Variants in SLC23A2 observed in about 807,000 individuals in gnomAD.
SLC23A2 encodes the protein solute carrier family 23 member 2.
SLC23A2 carries 36 observed loss-of-function variants against 73.3 expected under a neutral mutation model. The observed-to-expected ratio is 0.49, with a 90% CI of 0.38 to 0.65. The LOEUF is 0.65. Among genes scored for constraint, SLC23A2 ranks in the 30% least tolerant of loss-of-function variants. The probability of loss-of-function intolerance (pLI) is 0.00; values close to 1 mark genes in which losing one functional copy is unlikely to be tolerated. For synonymous variants in SLC23A2, 343 were observed against 327.3 expected, an observed-to-expected ratio of 1.05 and a Z score of -0.52; for missense variants, 507 against 841.6, an observed-to-expected ratio of 0.60 and a Z score of 4.92.
At chr20:4,859,442 T>G in intron 15 of SLC23A2, 58 bp from the exon 16 acceptor site, 1 of 1,155,356 alleles carries the variant, frequency 8.7e-7, no homozygotes, top group East Asian at 2.3e-5. Flanking sequence ...AGCCTGCCCT[T>G]GACTTGGGAA....
chr20:4,875,780 G>A (rs565435745), intron 9 of SLC23A2, among the ~76,000 whole-genome samples: 3 of 152,198 alleles, frequency 2.0e-5, no homozygotes, highest in Non-Finnish European at 4.4e-5. Flanking sequence ...GCCTCCACGC[G>A]GTCTCGCTCT....
chr20:4,988,658 C>T lies in SLC23A2; in HGVS notation c.-282+12748G>A, dbSNP rs573275826. Among the ~76,000 whole-genome samples the T allele has an allele frequency of 1.3e-4, 20 of 151,672 alleles. No homozygotes were observed. In the South Asian group the frequency reaches 3.5e-3, roughly 27 times the overall value. ...GGCTGAGGCAGGAGAATCACTTGAA[C>T]CCAGGAGATGGAGGTTGTGGTGAGC... On this transcript the variant is annotated intron_variant, in intron 1 of 16. Coordinates refer to ENST00000338244, the MANE Select transcript of SLC23A2 (RefSeq NM_005116.6).
At chr20:4,920,560 T>C (rs1932469271) in intron 3 of SLC23A2, among the ~76,000 whole-genome samples, 1 of 152,214 alleles carries the variant, frequency 6.6e-6, no homozygotes, top group Non-Finnish European at 1.5e-5. Context: ...TAGATGTCTA[T>C]CTGCAGTAAT....
intron 2 of SLC23A2, among the ~76,000 whole-genome samples, chr20:4,949,073 G>A (rs966173182): frequency 2.0e-5 from 3 of 152,004 alleles, no homozygotes; most frequent in African/African-American, 7.3e-5. Flanking sequence ...ATTACCTGAG[G>A]TCAGGAGTTT....
Position 4,931,527 on chromosome 20 carries a change from C to T in SLC23A2, c.108+928G>A, listed in dbSNP as rs189627623. Among the ~76,000 whole-genome samples the T allele has an allele frequency of 9.5e-4, 145 of 152,142 alleles. 2 individuals carry two copies. In the East Asian group the frequency reaches 0.026, roughly 28 times the overall value. Reference sequence around the variant, plus strand: ...ATCCCAGTGCTTTAGGAGGCTGAGGCGAGAGCATCACTTGAGCCCTGGAGT... The same window carrying T: ...ATCCCAGTGCTTTAGGAGGCTGAGGTGAGAGCATCACTTGAGCCCTGGAGT... On this transcript the variant is annotated intron_variant, in intron 3 of 16. Coordinates refer to ENST00000338244, the MANE Select transcript of SLC23A2 (RefSeq NM_005116.6).
At chr20:4,971,482 A>AAAAT (rs558413545) in intron 1 of SLC23A2, among the ~76,000 whole-genome samples, 4 of 151,884 alleles carry the variant, frequency 2.6e-5, no homozygotes, top group African/African-American at 7.2e-5. Flanking sequence ...CTCTGTCTCA[A>AAAAT]AAATAAATAA....
intron 3 of SLC23A2, among the ~76,000 whole-genome samples, chr20:4,922,169 T>TG (rs1414576358): frequency 2.0e-5 from 3 of 151,834 alleles, no homozygotes; most frequent in Admixed American, 6.6e-5. Context: ...TAAAAGTTAG[T>TG]GGGGGTGGGG....
At chr20:4,965,104 G>A (rs2087454987) in intron 2 of SLC23A2, among the ~76,000 whole-genome samples, 1 of 152,080 alleles carries the variant, frequency 6.6e-6, no homozygotes, top group South Asian at 2.1e-4. Flanking sequence ...GAGAAATTCT[G>A]GCAGTCAACA....
intron 2 of SLC23A2, among the ~76,000 whole-genome samples, chr20:4,954,805 A>C (rs1252331095): frequency 6.6e-6 from 1 of 152,142 alleles, no homozygotes; most frequent in African/African-American, 2.4e-5. Context: ...TGTTAAGAAA[A>C]AAGTCCTCGA....
At position 4,857,803 on chromosome 20, in the gene SLC23A2, T is replaced by A. The variant is rs1929789263; in HGVS notation, c.1721-599A>T. On this transcript the variant is annotated intron_variant, in intron 16 of 16. Transcript: ENST00000338244. The surrounding 1 kb of genome is among the most constrained non-coding windows in gnomAD (Gnocchi z 4.0). Reference sequence around the variant, plus strand: ...AAAATTAGCTGGGCGTGGTGGTGCATGCCTGTAATCTTAACTACTCAGGAG... The same window carrying A: ...AAAATTAGCTGGGCGTGGTGGTGCAAGCCTGTAATCTTAACTACTCAGGAG... 6.6e-6 allele frequency among the ~76,000 whole-genome samples: 1 copy of A among 152,048 alleles called. No homozygotes were observed. The highest frequency in any genetic ancestry group is 1.5e-5 in the Non-Finnish European group (1 of 67,996).
At chr20:4,930,755 G>GT (rs1226910510) in intron 3 of SLC23A2, among the ~76,000 whole-genome samples, 1 of 152,034 alleles carries the variant, frequency 6.6e-6, no homozygotes, top group African/African-American at 2.4e-5. Flanking sequence ...GGAGGCAGAG[G>GT]TTGCAGTGAG....
At chr20:4,931,003 T>C (rs557848864) in intron 3 of SLC23A2, among the ~76,000 whole-genome samples, 1 of 146,626 alleles carries the variant, frequency 6.8e-6, no homozygotes, top group East Asian at 2.0e-4. Context: ...AAAGTTATTT[T>C]CTTAAAATAA....
chr20:4,961,075 T>G (rs939582250), intron 2 of SLC23A2, among the ~76,000 whole-genome samples: 1 of 151,878 alleles, frequency 6.6e-6, no homozygotes, highest in African/African-American at 2.4e-5. Context: ...CTCATGCACA[T>G]TCTGATTACA....
intron 3 of SLC23A2, among the ~76,000 whole-genome samples, chr20:4,930,587 G>C (rs1932778060): frequency 6.6e-6 from 1 of 152,214 alleles, no homozygotes. Context: ...GGGAGGCCAA[G>C]GCAGGTGGAT....
Position 4,872,375 on chromosome 20 carries a change from C to T in SLC23A2, c.1102+1561G>A, listed in dbSNP as rs1312554002. ...GCCAGGAGCCCTACGTGCTCGCTCA[C>T]GGCCAGCACAACCTCAGGCGCTCTG... is the stretch of plus-strand genomic sequence containing the variant. On this transcript the variant is annotated intron_variant, in intron 11 of 16. Coordinates refer to ENST00000338244, the MANE Select transcript of SLC23A2 (RefSeq NM_005116.6). This position sits in a 1 kb window ranked among gnomAD's most constrained non-coding sequence, Gnocchi z 4.4. Among the ~76,000 whole-genome samples the T allele has an allele frequency of 6.6e-6, 1 of 152,208 alleles. No homozygotes were observed. The highest frequency in any genetic ancestry group is 1.5e-5 in the Non-Finnish European group (1 of 68,030).
At chr20:4,895,526 C>G (rs1264600561) in intron 6 of SLC23A2, among the ~76,000 whole-genome samples, 1 of 152,104 alleles carries the variant, frequency 6.6e-6, no homozygotes, top group Non-Finnish European at 1.5e-5. Context: ...TAATAATCTA[C>G]AAAAACACAA....
rs72552228 is a variant in SLC23A2 at position 4,912,868 on chromosome 20, C to A, written c.207+12G>T. The A allele has an allele frequency of 1.9e-6, 3 of 1,567,252 alleles. No individual in the cohort carries two copies. The highest frequency in any genetic ancestry group is 1.7e-5 in the Admixed American group (1 of 59,920). Reference sequence around the variant, plus strand: ...CGGTGGGAGTGGGGACACGGGGTGACGGAAGGGGTACCTTTTCTGCAATGC... The same window carrying A: ...CGGTGGGAGTGGGGACACGGGGTGAAGGAAGGGGTACCTTTTCTGCAATGC... On this transcript the variant is annotated intron_variant, in intron 4 of 16. Transcript: ENST00000338244.
At chr20:4,908,102 A>G (rs1400420720) in intron 4 of SLC23A2, among the ~76,000 whole-genome samples, 1 of 152,252 alleles carries the variant, frequency 6.6e-6, no homozygotes, top group Non-Finnish European at 1.5e-5. Flanking sequence ...AAGAACAAAC[A>G]AAACATGCAT....
chr20:4,992,314 A>C (rs1168971364), intron 1 of SLC23A2, among the ~76,000 whole-genome samples: 1 of 152,170 alleles, frequency 6.6e-6, no homozygotes, highest in Non-Finnish European at 1.5e-5. Flanking sequence ...TAAGTTAATA[A>C]GGATGAATTA....
Sources: allele counts gnomAD v4.1 joint callset (sites outside exome capture counted in the v4.1 genomes callset), GRCh38; gene constraint gnomAD v4.1.1; non-coding constraint Gnocchi (gnomAD v3.1); transcripts MANE v1.5; gene names NCBI Gene and HGNC (gene_info 2026-07-23, HGNC 2026-07-21).